DLK1: variants seen among roughly 807,000 people sequenced by gnomAD.
DLK1 encodes the protein protein delta homolog 1.
In DLK1, 9 loss-of-function variants were observed where a neutral mutation model predicts 35.2. That is an observed-to-expected ratio of 0.26 (90% CI 0.15 to 0.45). DLK1 has a LOEUF of 0.45. DLK1 is among the 20% of genes least tolerant of loss of function. The pLI, the probability that DLK1 is intolerant of heterozygous loss-of-function variation, is 1.00. For synonymous variants in DLK1, 231 were observed against 228.4 expected, an observed-to-expected ratio of 1.01 and a Z score of -0.10; for missense variants, 522 against 528.5, an observed-to-expected ratio of 0.99 and a Z score of 0.12.
intron 3 of DLK1, 158 bp downstream of exon 3, chr14:100,729,224 T>C: frequency 1.5e-6 from 2 of 1,344,670 alleles, no homozygotes; most frequent in Non-Finnish European, 2.1e-6. Context: ...AAATTTCCTG[T>C]GGGTACCGAA....
At position 100,737,759 on chromosome 14, in the gene DLK1, G is replaced by GC. The variant is rs1263815478; in HGVS notation, c.*2865dup. 1 of 152,208 alleles carries GC rather than the reference G, an allele frequency of 6.6e-6. No homozygotes were observed. Among genetic ancestry groups the GC allele is most frequent in the Non-Finnish European group, 1.5e-5 (1 of 68,052 alleles). The allele number at this position is 152,208 out of a possible 1,614,324, so 9.4% of individuals were successfully genotyped here. ...GAGCAGACGCCTCCCTTGGAGAAGA[G>GC]CCACCATCTCACCTTCCCACGCAAC... On this transcript the variant is annotated 3_prime_UTR_variant, in exon 5 of 5. Transcript: ENST00000341267.
chr14:100,732,272 C>T (rs77235285), intron 4 of DLK1, 89 bp downstream of exon 4: 144,709 of 1,515,762 alleles, frequency 0.095, 8,009 homozygotes, highest in Non-Finnish European at 0.11. Flanking sequence ...CTGGACCTGT[C>T]GTCTGACAAA....
At chr14:100,729,455 C>G (rs1316064226) in intron 3 of DLK1, among the ~76,000 whole-genome samples, 1 of 152,060 alleles carries the variant, frequency 6.6e-6, no homozygotes, top group Non-Finnish European at 1.5e-5. Context: ...AGCTAAGACT[C>G]CCTAGAAAAG....
chr14:100,731,406 A>G (rs2036505217), intron 3 of DLK1, among the ~76,000 whole-genome samples: 1 of 152,208 alleles, frequency 6.6e-6, no homozygotes, highest in South Asian at 2.1e-4. Context: ...CCCTGGCTTT[A>G]AAAGATGAAG....
intron 4 of DLK1, among the ~76,000 whole-genome samples, chr14:100,732,391 G>A (rs1461066580): frequency 2.6e-5 from 4 of 152,218 alleles, no homozygotes; most frequent in African/African-American, 7.2e-5. Context: ...TCCTGAAGGC[G>A]ATTTCATATT....
chr14:100,737,150 C>T lies in DLK1; in HGVS notation c.*2254C>T, dbSNP rs2036583206. On this transcript the variant is annotated 3_prime_UTR_variant, in exon 5 of 5. Transcript: ENST00000341267. ...CCTATCACCCCCACCCTTCTCCTCC[C>T]TTCCCTCACCCCAAACCCCTGGGTC... is the stretch of plus-strand genomic sequence containing the variant. The T allele has an allele frequency of 7.7e-6, 1 of 129,862 alleles. No homozygotes were observed. Among genetic ancestry groups the T allele is most frequent in the Non-Finnish European group, 1.6e-5 (1 of 62,248 alleles). 8.0% of individuals were successfully genotyped at this position (129,862 alleles called of 1,614,324 possible).
In DLK1 at chr14:100,734,532, G is replaced by C. The variant is rs1202791918; in HGVS notation, c.788G>C (p.Gly263Ala). Residue 263 changes from glycine to alanine, a missense_variant, in exon 5 of 5, where the codon GGG becomes GCG. Coordinates refer to ENST00000341267, the MANE Select transcript of DLK1 (RefSeq NM_003836.7). This position sits in a 1 kb window ranked among gnomAD's most constrained non-coding sequence, Gnocchi z 7.4. The stretch of plus-strand genomic sequence containing the variant: ...GTCACCCGTCTGCCCAGCGGCTATG[G>C]GCTGGCCTACCGCCTGACCCCTGGG... ...QQVTRLPSGY[G>A]LAYRLTPGVH... The C allele has an allele frequency of 6.2e-7, 1 of 1,612,508 alleles. No homozygotes were observed. Among genetic ancestry groups the C allele is most frequent in the South Asian group, 1.1e-5 (1 of 90,988 alleles).
At chr14:100,733,454 A>C (rs1255246811) in intron 4 of DLK1, among the ~76,000 whole-genome samples, 1 of 152,190 alleles carries the variant, frequency 6.6e-6, no homozygotes, top group Non-Finnish European at 1.5e-5. Flanking sequence ...TGAATGGACC[A>C]CTATTAAACA....
Position 100,737,643 on chromosome 14 carries a change from C to G in DLK1, c.*2747C>G, listed in dbSNP as rs56329822. The G allele has an allele frequency of 6.5e-6, 1 of 153,250 alleles. No individual in the cohort carries two copies. The highest frequency in any genetic ancestry group is 1.4e-5 in the Non-Finnish European group (1 of 68,980). 9.5% of individuals were successfully genotyped at this position (153,250 alleles called of 1,614,324 possible). Reference sequence around the variant, plus strand: ...TGCGGAAGCTGCAGGGCAGGCAGGACGAGGGGGCAGTCTGGAGGGGGGTGG... The same window carrying G: ...TGCGGAAGCTGCAGGGCAGGCAGGAGGAGGGGGCAGTCTGGAGGGGGGTGG... On this transcript the variant is annotated 3_prime_UTR_variant, in exon 5 of 5. Coordinates refer to ENST00000341267, the MANE Select transcript of DLK1 (RefSeq NM_003836.7).
chr14:100,728,666 T>TG (rs1214194317), intron 2 of DLK1: 16 of 184,372 alleles, frequency 8.7e-5, no homozygotes, highest in African/African-American at 2.8e-4. Flanking sequence ...TTCTCAGAGG[T>TG]GGGGGGGCAG....
At position 100,736,329 on chromosome 14, in the gene DLK1, A is replaced by ATC. The variant is rs1374549783; in HGVS notation, c.*1435_*1436dup. On this transcript the variant is annotated 3_prime_UTR_variant, in exon 5 of 5. Transcript: ENST00000341267. ...TGCTTCTTAGATTATTTGGATAAGA[A>ATC]TCTATACTCTTAGCTTTATTGAGCA... 4 of 152,024 alleles carry ATC rather than the reference A, an allele frequency of 2.6e-5. No homozygotes were observed. The highest frequency in any genetic ancestry group is 5.9e-5 in the Non-Finnish European group (4 of 68,020). The allele number at this position is 152,024 out of a possible 1,614,324, so 9.4% of individuals were successfully genotyped here. A position where few individuals can be genotyped will look rare whatever the true frequency, so the allele number is the denominator to read the frequency against.
chr14:100,728,874 G>A (rs1393853327), intron 2 of DLK1, 62 bp from the exon 3 acceptor site: 1 of 1,586,938 alleles, frequency 6.3e-7, no homozygotes, highest in Non-Finnish European at 8.6e-7. Context: ...AAAGTAGCCT[G>A]AGCTGCCTCT....
chr14:100,731,463 A>G (rs942888969), intron 3 of DLK1, among the ~76,000 whole-genome samples: 3 of 152,104 alleles, frequency 2.0e-5, no homozygotes, highest in African/African-American at 7.2e-5. Flanking sequence ...GTGCAGAAAG[A>G]GAGACCACAG....
chr14:100,734,562 A>C lies in DLK1; in HGVS notation c.818A>C (p.His273Pro). The C allele has an allele frequency of 1.2e-6, 2 of 1,613,192 alleles. No homozygotes were observed. The highest frequency in any genetic ancestry group is 8.5e-7 in the Non-Finnish European group (1 of 1,179,930). Reference sequence around the variant, plus strand: ...GCCTACCGCCTGACCCCTGGGGTGCACGAGCTGCCGGTGCAGCAGCCGGAG... The same window carrying C: ...GCCTACCGCCTGACCCCTGGGGTGCCCGAGCTGCCGGTGCAGCAGCCGGAG... ...GLAYRLTPGVHELPVQQPEHR... is the reference protein window; with the variant it reads ...GLAYRLTPGVPELPVQQPEHR... Residue 273 changes from histidine (H) to proline (P), a missense_variant, in exon 5 of 5, where the codon CAC (histidine) becomes CCC (proline). His to Pro is a moderately conservative substitution (Grantham distance 77). Coordinates refer to ENST00000341267, the MANE Select transcript of DLK1 (RefSeq NM_003836.7). The surrounding 1 kb of genome is among the most constrained non-coding windows in gnomAD (Gnocchi z 7.4).
chr14:100,734,714 A>G lies in DLK1; in HGVS notation c.970A>G (p.Ile324Val). ...CCTGGTGGTGCTGGGCACTGTGGGTATCGTCTTCCTCAACAAGTGCGAGAC... is the reference window on the plus strand; with the variant it reads ...CCTGGTGGTGCTGGGCACTGTGGGTGTCGTCTTCCTCAACAAGTGCGAGAC... ...TSLVVLGTVG[I>V]VFLNKCETWV... The change falls in exon 5 of 5, where the codon ATC (isoleucine) becomes GTC (valine). Residue 324 changes from isoleucine to valine, a missense_variant. Coordinates refer to ENST00000341267, the MANE Select transcript of DLK1 (RefSeq NM_003836.7). This position sits in a 1 kb window ranked among gnomAD's most constrained non-coding sequence, Gnocchi z 7.4. 1.2e-6 allele frequency: 2 copies of G among 1,614,072 alleles called. No homozygotes were observed. Among genetic ancestry groups the G allele is most frequent in the Non-Finnish European group, 8.5e-7 (1 of 1,180,020 alleles).
chr14:100,736,149 C>T lies in DLK1; in HGVS notation c.*1253C>T, dbSNP rs2036569533. The T allele has an allele frequency of 6.8e-6, 1 of 147,364 alleles. No individual in the cohort carries two copies. The highest frequency in any genetic ancestry group is 6.8e-5 in the Admixed American group (1 of 14,624). 9.1% of individuals were successfully genotyped at this position (147,364 alleles called of 1,614,324 possible). A position where few individuals can be genotyped will look rare whatever the true frequency, so the allele number is the denominator to read the frequency against. On this transcript the variant is annotated 3_prime_UTR_variant, in exon 5 of 5. Transcript: ENST00000341267. ...CTCAGATCTCAAAAGACCTAGCCAG[C>T]TTCTGAATTTTGAATTTGACTTTTT...
chr14:100,729,814 A>G (rs1386177156), intron 3 of DLK1, among the ~76,000 whole-genome samples: 9 of 152,160 alleles, frequency 5.9e-5, no homozygotes, highest in African/African-American at 2.2e-4. Flanking sequence ...ACTGAAGTCC[A>G]CAAAAAAACT....
intron 3 of DLK1, 21 bp from the exon 4 acceptor site, chr14:100,732,021 G>C: frequency 6.2e-7 from 1 of 1,601,122 alleles, no homozygotes; most frequent in South Asian, 1.1e-5. Flanking sequence ...CTAAGTTCTC[G>C]TCTTCCCCGT....
intron 3 of DLK1, among the ~76,000 whole-genome samples, chr14:100,729,503 C>T (rs1333493761): frequency 8.0e-6 from 1 of 125,620 alleles, no homozygotes. Context: ...AACAAACAAA[C>T]GGGGTGGGGG....
Sources: allele counts gnomAD v4.1 joint callset (sites outside exome capture counted in the v4.1 genomes callset), GRCh38; gene constraint gnomAD v4.1.1; non-coding constraint Gnocchi (gnomAD v3.1); transcripts MANE v1.5; gene names NCBI Gene and HGNC (gene_info 2026-07-23, HGNC 2026-07-21).